PIWIL4: variants seen among roughly 807,000 people sequenced by gnomAD.
PIWIL4 encodes the protein piwi-like protein 4.
Under a neutral mutation model 100.9 loss-of-function variants are expected in PIWIL4, and 50 were observed. The ratio of observed to expected loss-of-function variants is 0.50; its 90% CI spans 0.39 to 0.63. The LOEUF (loss-of-function observed/expected upper bound fraction) is 0.63, where lower values mean the gene tolerates loss of function less well. Ranked by LOEUF, PIWIL4 falls within the 20% of genes least tolerant of loss-of-function variation. The probability of loss-of-function intolerance (pLI) is 0.00; values close to 1 mark genes in which losing one functional copy is unlikely to be tolerated. For synonymous variants in PIWIL4, 342 were observed against 367.5 expected, an observed-to-expected ratio of 0.93 and a Z score of 0.79; for missense variants, 887 against 1,043.3, an observed-to-expected ratio of 0.85 and a Z score of 2.06.
intron 4 of PIWIL4, among the ~76,000 whole-genome samples, chr11:94,580,911 T>C (rs1220443898): frequency 7.0e-6 from 1 of 143,192 alleles, no homozygotes; most frequent in African/African-American, 2.6e-5. Context: ...TTTTTTTTTT[T>C]TTTGGAGAAG....
At chr11:94,610,719 C>T (rs1336774629) in intron 15 of PIWIL4, among the ~76,000 whole-genome samples, 1 of 151,844 alleles carries the variant, frequency 6.6e-6, no homozygotes, top group African/African-American at 2.4e-5. Context: ...GGATATCATC[C>T]CCGTATCAGA....
In PIWIL4 at chr11:94,594,238, G is replaced by A. The variant is rs141711561; in HGVS notation, c.1150+597G>A. On this transcript the variant is annotated intron_variant, in intron 9 of 19. Coordinates refer to ENST00000299001, the MANE Select transcript of PIWIL4 (RefSeq NM_152431.3). ...TCCTAGCATTTTGGGAGGCCAAGGC[G>A]GGCGGATCACCTGAAGTCAGGAGTT... 3.7e-3 allele frequency among the ~76,000 whole-genome samples: 565 copies of A among 152,094 alleles called. 6 individuals carry two copies. The highest frequency in any genetic ancestry group is 0.013 in the African/African-American group (533 of 41,510).
In PIWIL4 at chr11:94,567,432, T is replaced by C; in HGVS notation, c.-87T>C. ...CCACCGCCTCCAGGCAGTTTCGCCG[T>C]CACACCGTCGCCATCTGTAGCCAAA... On this transcript the variant is annotated 5_prime_UTR_variant, in exon 1 of 20. Coordinates refer to ENST00000299001, the MANE Select transcript of PIWIL4 (RefSeq NM_152431.3). The C allele has an allele frequency of 8.1e-7, 1 of 1,241,326 alleles. No individual in the cohort carries two copies. The highest frequency in any genetic ancestry group is 1.7e-5 in the South Asian group (1 of 59,602). The allele number at this position is 1,241,326 out of a possible 1,614,324, so 76.9% of individuals were successfully genotyped here.
chr11:94,578,095 A>G (rs1354133419), intron 4 of PIWIL4, among the ~76,000 whole-genome samples: 1 of 152,170 alleles, frequency 6.6e-6, no homozygotes, highest in Non-Finnish European at 1.5e-5. Context: ...AACTATTGCC[A>G]TGACCTTTGC....
At position 94,617,975 on chromosome 11, in the gene PIWIL4, A is replaced by G; in HGVS notation, c.2036A>G (p.Lys679Arg). The change falls in exon 17 of 20, where the codon AAG (lysine) becomes AGG (arginine). Residue 679 changes from lysine (K) to arginine (R), a missense_variant. By Grantham distance (26) the Lys-to-Arg change is conservative. This residue lies in a region of PIWIL4 where 741 missense variants were observed against 930.0 expected (regional missense o/e 0.80). Coordinates refer to ENST00000299001, the MANE Select transcript of PIWIL4 (RefSeq NM_152431.3). ...FMTGALNKWY[K>R]YNHDLPARII... ...GCAGGAGCACTCAACAAATGGTACA[A>G]GTACAATCATGATTTGCCAGCACGG... The G allele has an allele frequency of 1.2e-6, 2 of 1,613,954 alleles. No individual in the cohort carries two copies. Among genetic ancestry groups the G allele is most frequent in the Non-Finnish European group, 1.7e-6 (2 of 1,179,914 alleles).
At position 94,574,994 on chromosome 11, in the gene PIWIL4, T is replaced by C; in HGVS notation, c.167-5T>C. 1 of 1,611,482 alleles carries C rather than the reference T, an allele frequency of 6.2e-7. No individual in the cohort carries two copies. Among genetic ancestry groups the C allele is most frequent in the Non-Finnish European group, 8.5e-7 (1 of 1,177,972 alleles). On this transcript the variant is annotated splice_region_variant and splice_polypyrimidine_tract_variant and intron_variant, in intron 2 of 19. Transcript: ENST00000299001. ...AGCTGTTACCACATTCTCTTCATGT[T>C]TTAGATAAATATGGGATATCTTCTG...
intron 2 of PIWIL4, among the ~76,000 whole-genome samples, chr11:94,571,731 T>G (rs1007198468): frequency 6.6e-6 from 1 of 152,246 alleles, no homozygotes; most frequent in Non-Finnish European, 1.5e-5. Context: ...TTGTGAATAG[T>G]GCCACAATAA....
rs548080215 is a variant in PIWIL4 at position 94,601,945 on chromosome 11, G to T, written c.1531G>T (p.Gly511Cys). The change falls in exon 12 of 20, where the codon GGT (glycine) becomes TGT (cysteine). Residue 511 changes from glycine to cysteine, a missense_variant. This residue lies in a region of PIWIL4 where 741 missense variants were observed against 930.0 expected (regional missense o/e 0.80). Transcript: ENST00000299001. ...SFLNCLRRVAGSMGFNVDYPK... is the reference protein window; with the variant it reads ...SFLNCLRRVACSMGFNVDYPK... ...TCTGAACTGCTTGAGAAGAGTTGCAGGTTCCATGGGATTTAATGTGGACTA... is the reference window on the plus strand; with the variant it reads ...TCTGAACTGCTTGAGAAGAGTTGCATGTTCCATGGGATTTAATGTGGACTA... 3 of 1,612,002 alleles carry T rather than the reference G, an allele frequency of 1.9e-6. No individual in the cohort carries two copies. The highest frequency in any genetic ancestry group is 2.7e-5 in the African/African-American group (2 of 74,880).
At chr11:94,588,052 A>G (rs7111231) in intron 7 of PIWIL4, among the ~76,000 whole-genome samples, 76,474 of 151,946 alleles carry the variant, frequency 0.5, 21,150 homozygotes, top group African/African-American at 0.75. Context: ...GCTATCAACC[A>G]TCACCTAGGT....
chr11:94,577,532 GTGTT>G, intron 4 of PIWIL4, 40 bp downstream of exon 4: 1 of 1,506,726 alleles, frequency 6.6e-7, no homozygotes, highest in Non-Finnish European at 9.1e-7. Flanking sequence ...ATGTGGGTGT[GTGTT>G]TATTATATGT....
intron 8 of PIWIL4, among the ~76,000 whole-genome samples, chr11:94,591,210 G>A (rs1948481165): frequency 6.6e-6 from 1 of 152,172 alleles, no homozygotes; most frequent in Middle Eastern, 3.4e-3. Flanking sequence ...TCCCTCCTAT[G>A]CACCCCATGC....
intron 4 of PIWIL4, among the ~76,000 whole-genome samples, chr11:94,583,144 T>C (rs1032879507): frequency 6.6e-6 from 1 of 150,460 alleles, no homozygotes; most frequent in Non-Finnish European, 1.5e-5. Context: ...TCCCTCCCGC[T>C]CCCTAGAAAA....
At chr11:94,613,921 T>G (rs1300988728) in intron 15 of PIWIL4, among the ~76,000 whole-genome samples, 1 of 151,606 alleles carries the variant, frequency 6.6e-6, no homozygotes, top group East Asian at 1.9e-4. Context: ...TGCCACAATG[T>G]CCAGCTAATT....
At chr11:94,606,121 T>C (rs1206322015) in intron 13 of PIWIL4, among the ~76,000 whole-genome samples, 1 of 152,146 alleles carries the variant, frequency 6.6e-6, no homozygotes, top group East Asian at 1.9e-4. Context: ...AGCTAGGAAA[T>C]GTATGTTGCA....
rs145908122 is a variant in PIWIL4 at position 94,597,841 on chromosome 11, C to A, written c.1306C>A (p.Leu436Met). Residue 436 changes from leucine (L) to methionine (M), a missense_variant, in exon 11 of 20, where the codon CTG (leucine) becomes ATG (methionine). Physicochemically the swap from Leu to Met is conservative, Grantham distance 15. Coordinates refer to ENST00000299001, the MANE Select transcript of PIWIL4 (RefSeq NM_152431.3). ...NARFELETWGLHFGSQISLTG... is the reference protein window; with the variant it reads ...NARFELETWGMHFGSQISLTG... ...TCGCTTTGAACTAGAGACCTGGGGA[C>A]TGCATTTTGGAAGCCAGATATCTCT... 1,715 of 1,614,038 alleles carry A rather than the reference C, an allele frequency of 1.1e-3. 3 individuals are homozygous for A. The highest frequency in any genetic ancestry group is 1.3e-3 in the Non-Finnish European group (1,576 of 1,179,920).
intron 7 of PIWIL4, among the ~76,000 whole-genome samples, chr11:94,587,882 C>T (rs1280934740): frequency 5.3e-5 from 8 of 151,554 alleles, no homozygotes; most frequent in African/African-American, 1.5e-4. Flanking sequence ...GAGTTAAACA[C>T]GGAAAATTTA....
At chr11:94,586,371 T>G (rs1038948694) in intron 6 of PIWIL4, among the ~76,000 whole-genome samples, 2 of 152,172 alleles carry the variant, frequency 1.3e-5, no homozygotes. Context: ...GGAATTATTT[T>G]TTAAAATAGT....
intron 4 of PIWIL4, among the ~76,000 whole-genome samples, chr11:94,582,063 G>A (rs149759603): frequency 7.2e-5 from 11 of 152,290 alleles, no homozygotes; most frequent in East Asian, 1.9e-4. Flanking sequence ...GAGGGTCTGA[G>A]GTCCAATAGG....
intron 1 of PIWIL4, 83 bp from the exon 2 acceptor site, chr11:94,568,647 G>C: frequency 1.9e-6 from 2 of 1,057,918 alleles, no homozygotes; most frequent in Non-Finnish European, 2.9e-6. Context: ...GTAATCTAAA[G>C]ACCTGACACT....
Sources: gnomAD v4.1 joint callset for allele counts (sites outside exome capture counted in the v4.1 genomes callset) on GRCh38, gnomAD v4.1.1 for gene constraint, gnomAD v4.1.1 regional missense constraint, MANE v1.5 for transcripts, NCBI Gene and HGNC (gene_info 2026-07-23, HGNC 2026-07-21) for gene names.